Variants in FBXO34 observed in about 807,000 individuals in gnomAD.
FBXO34 encodes the protein F-box only protein 34.
In FBXO34, 12 loss-of-function variants were observed where a neutral mutation model predicts 24.5. The ratio of observed to expected loss-of-function variants is 0.49; its 90% CI spans 0.31 to 0.79. FBXO34 has a LOEUF of 0.79. Ranked by LOEUF, FBXO34 falls within the 30% of genes least tolerant of loss-of-function variation. The probability of loss-of-function intolerance (pLI) is 0.04; values close to 1 mark genes in which losing one functional copy is unlikely to be tolerated. For synonymous variants in FBXO34, 320 were observed against 311.9 expected (o/e 1.03, Z -0.27); for missense variants, 823 against 857.7 (o/e 0.96, Z 0.51).
chr14:55,394,005 ATTTT>A, the FBXO34 span, among the ~76,000 whole-genome samples: 3 of 138,916 alleles, frequency 2.2e-5, no homozygotes, highest in Non-Finnish European at 3.1e-5. Context: ...CAGTATCATA[ATTTT>A]TTTTTTTTTT....
At chr14:55,312,811 G>A (rs1252862850) in intron 1 of FBXO34, among the ~76,000 whole-genome samples, 1 of 152,240 alleles carries the variant, frequency 6.6e-6, no homozygotes, top group Non-Finnish European at 1.5e-5. Context: ...GCCTGGCCCA[G>A]GAAACCATTT....
chr14:55,310,139 A>G (rs1322172458), intron 1 of FBXO34, among the ~76,000 whole-genome samples: 2 of 152,190 alleles, frequency 1.3e-5, no homozygotes, highest in African/African-American at 2.4e-5. Context: ...GGAGGTAGCA[A>G]GAAACCAGAT....
chr14:55,359,587 A>G (rs1884566354), intron 3 of FBXO34, among the ~76,000 whole-genome samples: 1 of 152,202 alleles, frequency 6.6e-6, no homozygotes, highest in South Asian at 2.1e-4. Context: ...CTGACGACTG[A>G]TCAGAGTTGG....
chr14:55,378,713 T>G, the FBXO34 span, among the ~76,000 whole-genome samples: 1 of 151,992 alleles, frequency 6.6e-6, no homozygotes, highest in African/African-American at 2.4e-5. Flanking sequence ...TTTTGTTTGT[T>G]TTTTAGGCAG....
chr14:55,377,765 C>T, the FBXO34 span: 1 of 1,337,962 alleles, frequency 7.5e-7, no homozygotes. Flanking sequence ...ACATACAACT[C>T]CTCTAACAGG....
At chr14:55,428,296 A>AT in the FBXO34 span, among the ~76,000 whole-genome samples, 3 of 151,388 alleles carry the variant, frequency 2.0e-5, no homozygotes, top group South Asian at 4.2e-4. Context: ...CGCCCGGCTA[A>AT]TTTTTTGTAT....
downstream of FBXO34, among the ~76,000 whole-genome samples, chr14:55,365,959 G>A (rs1237731947): frequency 6.6e-6 from 1 of 152,144 alleles, no homozygotes; most frequent in Non-Finnish European, 1.5e-5. Context: ...AAAAATAAGG[G>A]TGTTGGGTTG....
chr14:55,392,331 T>TA, the FBXO34 span, among the ~76,000 whole-genome samples: 1 of 152,048 alleles, frequency 6.6e-6, no homozygotes, highest in Non-Finnish European at 1.5e-5. Flanking sequence ...ACCCCTGCCT[T>TA]AAAGTGAACA....
chr14:55,285,895 T>G (rs1488030881), intron 1 of FBXO34, among the ~76,000 whole-genome samples: 3 of 152,212 alleles, frequency 2.0e-5, no homozygotes, highest in Non-Finnish European at 4.4e-5. Flanking sequence ...GATTTTGGAC[T>G]CTTGCATAAG....
At chr14:55,295,957 G>A (rs1392576853) in intron 1 of FBXO34, among the ~76,000 whole-genome samples, 1 of 152,182 alleles carries the variant, frequency 6.6e-6, no homozygotes, top group Non-Finnish European at 1.5e-5. Context: ...TAGATTGAAT[G>A]AGACTGCTGT....
At chr14:55,302,021 T>C (rs1469723631) in intron 1 of FBXO34, among the ~76,000 whole-genome samples, 2 of 152,158 alleles carry the variant, frequency 1.3e-5, no homozygotes, top group African/African-American at 2.4e-5. Flanking sequence ...TCAGAGGCCA[T>C]AGGGAACTGG....
chr14:55,311,343 T>C (rs1367658906), intron 1 of FBXO34, among the ~76,000 whole-genome samples: 4 of 152,174 alleles, frequency 2.6e-5, no homozygotes, highest in Non-Finnish European at 5.9e-5. Flanking sequence ...GTGGGGATTA[T>C]GGGGATTATA....
chr14:55,276,500 A>G (rs1487589577), intron 1 of FBXO34, among the ~76,000 whole-genome samples: 4 of 152,112 alleles, frequency 2.6e-5, no homozygotes, highest in Non-Finnish European at 5.9e-5. Flanking sequence ...GTTGTGCCTG[A>G]GCGAGTTAGA....
the FBXO34 span, among the ~76,000 whole-genome samples, chr14:55,432,176 G>C: frequency 1.3e-5 from 2 of 151,736 alleles, no homozygotes; most frequent in African/African-American, 4.9e-5. Context: ...GGGAGACCAA[G>C]GTGGGAGGAC....
At chr14:55,382,365 C>T in the FBXO34 span, among the ~76,000 whole-genome samples, 12 of 152,164 alleles carry the variant, frequency 7.9e-5, no homozygotes, top group Admixed American at 3.9e-4. Flanking sequence ...CAACATGGAG[C>T]GCAGTGACAG....
chr14:55,378,079 AAAAC>A, the FBXO34 span: 3 of 1,610,460 alleles, frequency 1.9e-6, no homozygotes, highest in South Asian at 1.1e-5. Context: ...AATTCACTGT[AAAAC>A]AAACATACAA....
intron 1 of FBXO34, among the ~76,000 whole-genome samples, chr14:55,304,915 T>C (rs1434828930): frequency 6.6e-6 from 1 of 152,256 alleles, no homozygotes; most frequent in Non-Finnish European, 1.5e-5. Flanking sequence ...TAACCTATTT[T>C]GTTTTTGTAC....
At chr14:55,329,016 C>A (rs531312009) in intron 1 of FBXO34, among the ~76,000 whole-genome samples, 35 of 151,672 alleles carry the variant, frequency 2.3e-4, no homozygotes, top group African/African-American at 8.2e-4. Flanking sequence ...CTCAAATTGT[C>A]CCCCCCGTGT....
chr14:55,293,133 T>C (rs568105668), intron 1 of FBXO34, among the ~76,000 whole-genome samples: 45 of 152,192 alleles, frequency 3.0e-4, no homozygotes, highest in African/African-American at 1.1e-3. Flanking sequence ...TCTACTCGCC[T>C]TGGCCTCCCA....
Sources: gnomAD v4.1 joint callset for allele counts (sites outside exome capture counted in the v4.1 genomes callset) on GRCh38, gnomAD v4.1.1 for gene constraint, MANE v1.5 for transcripts, NCBI Gene and HGNC (gene_info 2026-07-23, HGNC 2026-07-21) for gene names.